The following TRAP1 variants were observed in gnomAD, a reference collection of about 807,000 sequenced individuals.
TRAP1 encodes heat shock protein 75 kDa, mitochondrial.
A neutral mutation model predicts 89.1 loss-of-function variants in TRAP1; 102 were observed. The ratio of observed to expected loss-of-function variants is 1.15; its 90% CI spans 0.98 to 1.35. The LOEUF (loss-of-function observed/expected upper bound fraction) is 1.35. TRAP1 is among the 40% of genes most tolerant of loss of function. TRAP1 has a pLI of 0.00. For synonymous variants in TRAP1, 508 were observed against 388.0 expected, an observed-to-expected ratio of 1.31 and a Z score of -3.64; for missense variants, 1,256 against 945.3, an observed-to-expected ratio of 1.33 and a Z score of -4.31.
chr16:3,710,857 G>GTA (rs377592883), intron 1 of TRAP1, among the ~76,000 whole-genome samples: 2,363 of 135,600 alleles, frequency 0.017, 38 homozygotes, highest in Non-Finnish European at 0.024. Context: ...ATGTGTGTGT[G>GTA]TATATATATA....
chr16:3,665,684 T>C (rs1303479798), intron 12 of TRAP1, among the ~76,000 whole-genome samples: 1 of 152,128 alleles, frequency 6.6e-6, no homozygotes, highest in African/African-American at 2.4e-5. Context: ...GGGGAGACAG[T>C]GTGTGCACGC....
rs111847538 is a variant in TRAP1, at chr16:3,712,140, T to C, written c.88+5281A>G. Among the ~76,000 whole-genome samples, 318 of 151,702 alleles carry C rather than the reference T, an allele frequency of 2.1e-3. 1 individual carries two copies. Among genetic ancestry groups the C allele is most frequent in the African/African-American group, 7.2e-3 (299 of 41,372 alleles). On this transcript the variant is annotated intron_variant, in intron 1 of 17. Transcript: ENST00000246957. ...CTCGTCTCTACTAAAAATACAAAAATTGGCTGGCCATGGTGGCATGCACCT... is the reference window on the plus strand; with the variant it reads ...CTCGTCTCTACTAAAAATACAAAAACTGGCTGGCCATGGTGGCATGCACCT...
intron 15 of TRAP1, 114 bp from the exon 16 acceptor site, chr16:3,662,246 A>G: frequency 7.6e-7 from 1 of 1,314,432 alleles, no homozygotes; most frequent in Non-Finnish European, 1.0e-6. Flanking sequence ...CGGGGTCTCA[A>G]GGACTCCCCT....
intron 1 of TRAP1, among the ~76,000 whole-genome samples, chr16:3,698,667 G>A (rs1469614473): frequency 6.6e-6 from 1 of 151,988 alleles, no homozygotes; most frequent in Non-Finnish European, 1.5e-5. Context: ...AGCACTTTGG[G>A]AGGCCAAGGC....
chr16:3,686,072 A>G lies in TRAP1; in HGVS notation c.395T>C (p.Val132Ala). ...TTCTGGCAGTGCTTGGCCGTCAGAC[A>G]CCAGTTTGTGACGCAGTTTTTCCAA... The part of the protein sequence containing the change: ...DALEKLRHKL[V>A]SDGQALPEME... The change falls in exon 4 of 18, where the codon GTG (valine) becomes GCG (alanine). Residue 132 changes from valine (V) to alanine (A), a missense_variant. Transcript: ENST00000246957. 6.2e-7 allele frequency: 1 copy of G among 1,614,110 alleles called. No individual in the cohort carries two copies. Among genetic ancestry groups the G allele is most frequent in the Non-Finnish European group, 8.5e-7 (1 of 1,180,016 alleles).
At chr16:3,702,831 T>C (rs924791709) in intron 1 of TRAP1, among the ~76,000 whole-genome samples, 4 of 151,262 alleles carry the variant, frequency 2.6e-5, no homozygotes, top group Non-Finnish European at 5.9e-5. Flanking sequence ...TCACCTGAGG[T>C]TGGGAGTTTG....
intron 7 of TRAP1, 94 bp downstream of exon 7, chr16:3,675,942 G>C (rs936966412): frequency 3.6e-6 from 4 of 1,120,994 alleles, no homozygotes; most frequent in South Asian, 3.0e-5. Context: ...TGCACCCTAC[G>C]TGCAGGTAGA....
intron 4 of TRAP1, among the ~76,000 whole-genome samples, chr16:3,685,280 A>G (rs2051124060): frequency 6.6e-6 from 1 of 152,176 alleles, no homozygotes; most frequent in Non-Finnish European, 1.5e-5. Flanking sequence ...TGGATTCTCT[A>G]AACCCAAGAG....
At position 3,690,749 on chromosome 16, in the gene TRAP1, C is replaced by G. The variant is rs376263861; in HGVS notation, c.247+78G>C. 1,860 of 1,312,040 alleles carry G rather than the reference C, an allele frequency of 1.4e-3. 14 individuals are homozygous for G. Among genetic ancestry groups the G allele is most frequent in the Middle Eastern group, 8.7e-3 (29 of 3,322 alleles). 81.3% of individuals were successfully genotyped at this position (1,312,040 alleles called of 1,614,324 possible). The stretch of plus-strand genomic sequence containing the variant: ...AGGCGGTGGCTCTACCAATCACTGC[C>G]TCCACCCTGAAAATGCCCCTTTACG... On this transcript the variant is annotated intron_variant, in intron 2 of 17. Transcript: ENST00000246957.
chr16:3,674,973 G>A (rs964376360), intron 8 of TRAP1: 19 of 337,876 alleles, frequency 5.6e-5, no homozygotes, highest in Non-Finnish European at 1.0e-4. Context: ...GGGCAGTGGG[G>A]AAAGGGCTGC....
chr16:3,690,556 T>C (rs971692473), intron 2 of TRAP1, among the ~76,000 whole-genome samples: 5 of 152,220 alleles, frequency 3.3e-5, no homozygotes, highest in African/African-American at 9.6e-5. Context: ...TCCATGATTA[T>C]TAGCAGATGT....
intron 4 of TRAP1, among the ~76,000 whole-genome samples, chr16:3,681,603 G>A (rs1234319792): frequency 6.6e-6 from 1 of 152,184 alleles, no homozygotes; most frequent in Non-Finnish European, 1.5e-5. Flanking sequence ...TGTAGATCAT[G>A]TAATAATTAT....
chr16:3,716,397 C>A (rs914405602), intron 1 of TRAP1, among the ~76,000 whole-genome samples: 7 of 152,172 alleles, frequency 4.6e-5, no homozygotes, highest in Non-Finnish European at 8.8e-5. Context: ...TAAGTACTCA[C>A]CCATTCTATG....
intron 3 of TRAP1, among the ~76,000 whole-genome samples, chr16:3,686,436 G>A (rs2051139511): frequency 6.6e-6 from 1 of 152,030 alleles, no homozygotes; most frequent in Non-Finnish European, 1.5e-5. Context: ...TCCCACCTCA[G>A]CCTCCTAAGT....
At chr16:3,670,997 G>A (rs567383833) in intron 11 of TRAP1, among the ~76,000 whole-genome samples, 6 of 152,198 alleles carry the variant, frequency 3.9e-5, no homozygotes, top group South Asian at 2.1e-4. Context: ...TCCTTTTTCC[G>A]AGGATCTGCT....
chr16:3,689,985 G>A (rs183173295), intron 2 of TRAP1, among the ~76,000 whole-genome samples: 1 of 152,270 alleles, frequency 6.6e-6, no homozygotes, highest in Admixed American at 6.5e-5. Context: ...GAACTGGACT[G>A]CCTCTAAGAA....
intron 11 of TRAP1, among the ~76,000 whole-genome samples, chr16:3,666,876 C>T (rs2050839742): frequency 6.6e-6 from 1 of 152,208 alleles, no homozygotes; most frequent in African/African-American, 2.4e-5. Context: ...AACTTTATCA[C>T]TGGGACTAGG....
At chr16:3,706,304 T>C (rs1241909386) in intron 1 of TRAP1, among the ~76,000 whole-genome samples, 1 of 151,848 alleles carries the variant, frequency 6.6e-6, no homozygotes, top group African/African-American at 2.4e-5. Context: ...GGTGGGGGTC[T>C]CACTATGTTG....
At chr16:3,675,920 C>T (rs931491857) in intron 7 of TRAP1, 116 bp downstream of exon 7, 54 of 905,458 alleles carry the variant, frequency 6.0e-5, no homozygotes, top group African/African-American at 1.3e-4. Flanking sequence ...CGGCCCTTCA[C>T]GGCTCTGCCT....
Sources: gnomAD v4.1 joint callset for allele counts (sites outside exome capture counted in the v4.1 genomes callset) on GRCh38, gnomAD v4.1.1 for gene constraint, MANE v1.5 for transcripts, NCBI Gene and HGNC (gene_info 2026-07-23, HGNC 2026-07-21) for gene names.